The following SYNJ1 variants were observed in gnomAD, a reference collection of about 807,000 sequenced individuals.
The protein encoded by SYNJ1 is synaptojanin 1.
A neutral mutation model predicts 168.2 loss-of-function variants in SYNJ1; 78 were observed. The observed-to-expected ratio is 0.46, with a 90% confidence interval of 0.39 to 0.56. The LOEUF (loss-of-function observed/expected upper bound fraction) is 0.56. Among genes scored for constraint, SYNJ1 ranks in the 20% least tolerant of loss-of-function variants. The pLI is 0.00. For synonymous variants in SYNJ1, 539 were observed against 548.6 expected (o/e 0.98, Z 0.24); for missense variants, 1,303 against 1,597.6 (o/e 0.82, Z 3.14).
Position 32,726,840 on chromosome 21 carries a change from C to T in SYNJ1, c.56G>A (p.Ser19Asn), listed in dbSNP as rs756386071. Residue 19 changes from serine to asparagine, a missense_variant, in exon 2 of 33, where the codon AGC (serine) becomes AAC (asparagine). Ser to Asn is a conservative substitution (Grantham distance 46). Transcript: ENST00000674351. The stretch of plus-strand genomic sequence containing the variant: ...CTTATGCCTAGTTTCCACTATGAGG[C>T]TGAAAGGTGGGGGATCCAATTTGTG... The part of the protein sequence containing the change: ...IYHKLDPPPF[S>N]LIVETRHKEE... The T allele has an allele frequency of 2.5e-6, 4 of 1,614,156 alleles. No individual in the cohort carries two copies. Among genetic ancestry groups the T allele is most frequent in the Non-Finnish European group, 3.4e-6 (4 of 1,180,044 alleles).
In SYNJ1 at chr21:32,673,910, A is replaced by G. The variant is rs141035030; in HGVS notation, c.1535-379T>C. On this transcript the variant is annotated intron_variant, in intron 13 of 32. Transcript: ENST00000674351. ...AGGAATATAGCAATTAACTTTCTAC[A>G]ATTTTCATTAAGAGTCTGGTAAAAA... is the stretch of plus-strand genomic sequence containing the variant. Among the ~76,000 whole-genome samples the G allele has an allele frequency of 5.9e-3, 892 of 152,314 alleles. 7 individuals carry two copies. Among genetic ancestry groups the G allele is most frequent in the African/African-American group, 0.02 (850 of 41,560 alleles).
At chr21:32,650,392 A>G in intron 22 of SYNJ1, 46 bp from the exon 23 acceptor site, 1 of 1,539,008 alleles carries the variant, frequency 6.5e-7, no homozygotes, top group African/African-American at 1.4e-5. Context: ...CATGAAAGCT[A>G]ACTAATTTGG....
chr21:32,640,240 G>A (rs1424360670), intron 29 of SYNJ1, among the ~76,000 whole-genome samples: 1 of 151,994 alleles, frequency 6.6e-6, no homozygotes, highest in Admixed American at 6.6e-5. Context: ...AGGAGATAGA[G>A]AGATACATAC....
At chr21:32,728,018 C>T, upstream of SYNJ1, 2 of 1,536,016 alleles carry the variant, frequency 1.3e-6, no homozygotes, top group South Asian at 1.2e-5. Context: ...ACTTCCGCTC[C>T]AGCAGGCCCA....
chr21:32,647,880 T>A (rs1253941383), intron 23 of SYNJ1, among the ~76,000 whole-genome samples: 1 of 152,214 alleles, frequency 6.6e-6, no homozygotes, highest in Non-Finnish European at 1.5e-5. Flanking sequence ...CATGATTTGC[T>A]GGTTTGCTCT....
At chr21:32,707,881 A>T (rs1011291502) in intron 2 of SYNJ1, among the ~76,000 whole-genome samples, 3 of 152,140 alleles carry the variant, frequency 2.0e-5, no homozygotes, top group South Asian at 4.1e-4. Flanking sequence ...GGTGGGCGTG[A>T]TGATGCATGT....
At chr21:32,684,261 A>T (rs2041738703) in intron 9 of SYNJ1, 142 bp from the exon 10 acceptor site, 1 of 704,570 alleles carries the variant, frequency 1.4e-6, no homozygotes, top group Non-Finnish European at 2.4e-6. Flanking sequence ...TACAAAAAAA[A>T]TTATACTGTG....
At chr21:32,692,272 C>T (rs1343697273) in intron 6 of SYNJ1, among the ~76,000 whole-genome samples, 1 of 152,066 alleles carries the variant, frequency 6.6e-6, no homozygotes. Context: ...TGGTAGAGAA[C>T]TTGGTTAAAA....
At chr21:32,667,688 G>A (rs1023242459) in intron 15 of SYNJ1, among the ~76,000 whole-genome samples, 1 of 151,992 alleles carries the variant, frequency 6.6e-6, no homozygotes, top group Non-Finnish European at 1.5e-5. Context: ...TCCCACCTCA[G>A]CCCCGCAAGT....
chr21:32,671,354 G>A (rs2041181019), intron 14 of SYNJ1, among the ~76,000 whole-genome samples: 1 of 151,538 alleles, frequency 6.6e-6, no homozygotes, highest in South Asian at 2.1e-4. Context: ...AACTAACACT[G>A]AAATTAAAAA....
chr21:32,675,613 T>A (rs367980652), intron 13 of SYNJ1, among the ~76,000 whole-genome samples: 7 of 152,170 alleles, frequency 4.6e-5, no homozygotes, highest in African/African-American at 1.7e-4. Context: ...TGATAGCAAA[T>A]CCTTTTCAAC....
Position 32,631,292 on chromosome 21 carries a change from A to G in SYNJ1, c.*513T>C, listed in dbSNP as rs373455294. Reference sequence around the variant, plus strand: ...AGGTTACCCATCCTTTCGGGTTGCTAATTTTTAATGTAGACTGGCCCTGTA... The same window carrying G: ...AGGTTACCCATCCTTTCGGGTTGCTGATTTTTAATGTAGACTGGCCCTGTA... On this transcript the variant is annotated 3_prime_UTR_variant, in exon 33 of 33. Coordinates refer to ENST00000674351, the MANE Select transcript of SYNJ1 (RefSeq NM_203446.3). 18 of 1,614,092 alleles carry G rather than the reference A, an allele frequency of 1.1e-5. No individual in the cohort carries two copies. In the South Asian group the frequency reaches 1.6e-4, roughly 15 times the overall value.
intron 4 of SYNJ1, among the ~76,000 whole-genome samples, chr21:32,699,061 G>A (rs1015867914): frequency 7.2e-5 from 11 of 152,178 alleles, no homozygotes; most frequent in Non-Finnish European, 1.3e-4. Flanking sequence ...TTGGCTGCCT[G>A]CCATGCTCTG....
In SYNJ1 at chr21:32,639,692, T is replaced by G. The variant is rs1316947353; in HGVS notation, c.3676A>C (p.Lys1226Gln). 1 of 1,614,178 alleles carries G rather than the reference T, an allele frequency of 6.2e-7. No homozygotes were observed. Among genetic ancestry groups the G allele is most frequent in the Admixed American group, 1.7e-5 (1 of 60,026 alleles). The change falls in exon 30 of 33, where the codon AAA becomes CAA. Residue 1226 changes from lysine (K) to glutamine (Q), a missense_variant. By Grantham distance (53) the Lys-to-Gln change is moderately conservative. Transcript: ENST00000674351. ...AGRLTPESQS[K>Q]TSETSKGSTF... ...CTACCTTTCGACGTTTCTGATGTTTTGCTTTGGCTTTCAGGAGTCAGTCTT... is the reference window on the plus strand; with the variant it reads ...CTACCTTTCGACGTTTCTGATGTTTGGCTTTGGCTTTCAGGAGTCAGTCTT...
intron 4 of SYNJ1, among the ~76,000 whole-genome samples, chr21:32,699,429 A>T (rs2042320396): frequency 6.6e-6 from 1 of 152,176 alleles, no homozygotes; most frequent in Admixed American, 6.5e-5. Context: ...TATAGCCATC[A>T]ATTTTGTACT....
intron 23 of SYNJ1, among the ~76,000 whole-genome samples, chr21:32,649,445 T>C (rs147692226): frequency 1.3e-5 from 2 of 152,368 alleles, no homozygotes; most frequent in African/African-American, 2.4e-5. Context: ...AACAAATGCA[T>C]TTAAAAATTT....
chr21:32,656,749 A>G lies in SYNJ1; in HGVS notation c.2733T>C (p.Asp911=), dbSNP rs1266511715. Residue 911 remains aspartate, a synonymous_variant, in exon 21 of 33, where the codon GAT becomes GAC. Coordinates refer to ENST00000674351, the MANE Select transcript of SYNJ1 (RefSeq NM_203446.3). ...KSSLPENNFF[D]DALIDELLQQ... is the part of the protein sequence containing the mutation. ...GCAGAAGCTCATCAATCAAGGCATC[A>G]TCAAAAAAATTATTTTCTGGTAAAG... The G allele has an allele frequency of 1.9e-6, 3 of 1,614,014 alleles. No homozygotes were observed. In the African/African-American group the frequency reaches 4.0e-5, roughly 22 times the overall value.
At chr21:32,636,814 G>A (rs929359441) in intron 31 of SYNJ1, among the ~76,000 whole-genome samples, 2 of 151,928 alleles carry the variant, frequency 1.3e-5, no homozygotes, top group African/African-American at 4.8e-5. Context: ...AGAAAAGTGT[G>A]TCTGTGTATC....
chr21:32,676,315 G>A lies in SYNJ1; in HGVS notation c.1534+17C>T. ...AAAAAATTGCTTTTATTTATAGATT[G>A]ATTTTCTATACTGTACCTGACTGTA... On this transcript the variant is annotated intron_variant, in intron 13 of 32. Transcript: ENST00000674351. The A allele has an allele frequency of 6.4e-7, 1 of 1,555,178 alleles. No homozygotes were observed.
Sources: allele counts gnomAD v4.1 joint callset (sites outside exome capture counted in the v4.1 genomes callset), GRCh38; gene constraint gnomAD v4.1.1; transcripts MANE v1.5; gene names NCBI Gene and HGNC (gene_info 2026-07-23, HGNC 2026-07-21).